The following ANKS1B variants were observed in gnomAD, a reference collection of about 807,000 sequenced individuals.
The protein encoded by ANKS1B is ankyrin repeat and sterile alpha motif domain containing 1B.
Under a neutral mutation model 148.3 loss-of-function variants are expected in ANKS1B, and 36 were observed. The observed-to-expected ratio is 0.24, with a 90% confidence interval of 0.19 to 0.32. The LOEUF (loss-of-function observed/expected upper bound fraction) is 0.32, where lower values mean the gene tolerates loss of function less well. ANKS1B is among the 10% of genes least tolerant of loss of function. ANKS1B has a pLI of 1.00. For missense variants in ANKS1B, 1,157 were observed against 1,542.6 expected (o/e 0.75, Z 4.19); for synonymous variants, 542 against 560.8 (o/e 0.97, Z 0.47).
At chr12:99,376,599 A>G (rs531173315) in intron 12 of ANKS1B, among the ~76,000 whole-genome samples, 3 of 152,380 alleles carry the variant, frequency 2.0e-5, no homozygotes, top group African/African-American at 7.2e-5. Context: ...AGTTCAGATT[A>G]CAGTGAATAA....
At chr12:98,973,763 GTTA>G (rs2153219802) in intron 17 of ANKS1B, among the ~76,000 whole-genome samples, 1 of 152,170 alleles carries the variant, frequency 6.6e-6, no homozygotes, top group African/African-American at 2.4e-5. Context: ...TTTAATATAA[GTTA>G]TTGTTGGTAA....
At chr12:99,159,220 T>G (rs1196650758) in intron 14 of ANKS1B, among the ~76,000 whole-genome samples, 1 of 152,160 alleles carries the variant, frequency 6.6e-6, no homozygotes, top group Non-Finnish European at 1.5e-5. Flanking sequence ...TTGACTTATT[T>G]GTTTGTTTTC....
In ANKS1B at chr12:99,905,657, G is replaced by A. The variant is rs185445892; in HGVS notation, c.134+78447C>T. ...CCAGAAGTCTGAGATCAAAGCATTC[G>A]AGTGGTTAGTTCTTGCTGAGGCCTC... is the stretch of plus-strand genomic sequence containing the variant. On this transcript the variant is annotated intron_variant, in intron 1 of 26. Transcript: ENST00000683438. Among the ~76,000 whole-genome samples the A allele has an allele frequency of 7.2e-5, 11 of 152,306 alleles. No individual in the cohort carries two copies. The East Asian group carries it at 1.5e-3, about 21-fold the overall frequency.
intron 9 of ANKS1B, among the ~76,000 whole-genome samples, chr12:99,607,996 C>T (rs1247312615): frequency 2.6e-5 from 4 of 151,898 alleles, no homozygotes; most frequent in South Asian, 2.1e-4. Flanking sequence ...CATAAATGAG[C>T]CTAGGCAAAA....
chr12:98,949,816 T>C (rs2099851336), intron 17 of ANKS1B: 2 of 152,244 alleles, frequency 1.3e-5, no homozygotes, highest in Admixed American at 1.3e-4. Flanking sequence ...TAAGAGGATC[T>C]ACTGATTTTC....
intron 12 of ANKS1B, among the ~76,000 whole-genome samples, chr12:99,399,291 C>T (rs2094338840): frequency 6.6e-6 from 1 of 152,102 alleles, no homozygotes; most frequent in Non-Finnish European, 1.5e-5. Flanking sequence ...AGTTCTCCGG[C>T]TTCAAAGCAT....
chr12:99,947,566 T>C (rs2095100204), intron 1 of ANKS1B, among the ~76,000 whole-genome samples: 1 of 152,180 alleles, frequency 6.6e-6, no homozygotes, highest in Non-Finnish European at 1.5e-5. Context: ...TATATAGGTT[T>C]CTATATCAGT....
At chr12:99,321,072 T>C (rs558267862) in intron 12 of ANKS1B, among the ~76,000 whole-genome samples, 2 of 152,248 alleles carry the variant, frequency 1.3e-5, no homozygotes, top group East Asian at 3.9e-4. Flanking sequence ...GGAAGCTTCA[T>C]CTCAGAGGGA....
chr12:99,351,570 G>A (rs147858015), intron 12 of ANKS1B, among the ~76,000 whole-genome samples: 2 of 152,056 alleles, frequency 1.3e-5, no homozygotes, highest in Admixed American at 6.6e-5. Context: ...ATAAATTAGT[G>A]TCTTTTCTTA....
chr12:98,956,667 A>G (rs1312420847), intron 17 of ANKS1B, among the ~76,000 whole-genome samples: 1 of 152,158 alleles, frequency 6.6e-6, no homozygotes, highest in African/African-American at 2.4e-5. Context: ...CACTATGCTA[A>G]GCTGTGGGGG....
chr12:99,599,856 T>C (rs184109625), intron 9 of ANKS1B, among the ~76,000 whole-genome samples: 44 of 150,936 alleles, frequency 2.9e-4, no homozygotes, highest in African/African-American at 1.0e-3. Context: ...TACAAAAGGA[T>C]TTAGAACTTA....
chr12:99,488,594 G>T (rs2096525291), intron 10 of ANKS1B, among the ~76,000 whole-genome samples: 1 of 152,092 alleles, frequency 6.6e-6, no homozygotes, highest in South Asian at 2.1e-4. Flanking sequence ...ATGCCCAGCT[G>T]CTCATTCTCA....
chr12:99,418,967 C>G (rs923172416), intron 11 of ANKS1B, among the ~76,000 whole-genome samples: 1 of 151,720 alleles, frequency 6.6e-6, no homozygotes, highest in Non-Finnish European at 1.5e-5. Flanking sequence ...GTTATGCATC[C>G]CTAAAATAAA....
chr12:99,769,074 T>C (rs2153617175), intron 8 of ANKS1B, among the ~76,000 whole-genome samples: 1 of 152,002 alleles, frequency 6.6e-6, no homozygotes, highest in African/African-American at 2.4e-5. Flanking sequence ...TAATCCCTAA[T>C]TCAAGAGACT....
intron 12 of ANKS1B, among the ~76,000 whole-genome samples, chr12:99,393,573 G>T (rs1459462211): frequency 6.6e-6 from 1 of 152,172 alleles, no homozygotes; most frequent in African/African-American, 2.4e-5. Context: ...GGAAATTGTT[G>T]TACTGATTTA....
intron 17 of ANKS1B, among the ~76,000 whole-genome samples, chr12:98,844,310 G>C (rs1478337483): frequency 2.0e-5 from 3 of 152,174 alleles, no homozygotes; most frequent in African/African-American, 7.2e-5. Flanking sequence ...CACAGTGCCT[G>C]GTATAAAATG....
intron 12 of ANKS1B, among the ~76,000 whole-genome samples, chr12:99,395,872 G>GATTA (rs1339284622): frequency 6.6e-6 from 1 of 152,082 alleles, no homozygotes; most frequent in African/African-American, 2.4e-5. Context: ...TTTTGGTCAA[G>GATTA]ATTAATTTTT....
chr12:98,847,782 GA>G (rs2099490255), intron 17 of ANKS1B, among the ~76,000 whole-genome samples: 2 of 152,130 alleles, frequency 1.3e-5, no homozygotes, highest in African/African-American at 4.8e-5. Flanking sequence ...TTTTAGTAGA[GA>G]GGGGGTTTTG....
intron 9 of ANKS1B, among the ~76,000 whole-genome samples, chr12:99,607,709 G>A (rs1211664191): frequency 1.3e-5 from 2 of 151,942 alleles, no homozygotes; most frequent in Non-Finnish European, 2.9e-5. Flanking sequence ...ACTTTTCATG[G>A]GACCAGTTTC....
Sources: gnomAD v4.1 joint callset for allele counts (sites outside exome capture counted in the v4.1 genomes callset) on GRCh38, gnomAD v4.1.1 for gene constraint, MANE v1.5 for transcripts, NCBI Gene and HGNC (gene_info 2026-07-23, HGNC 2026-07-21) for gene names.